Variants in SPEF2 observed in about 807,000 individuals in gnomAD.
SPEF2 encodes the protein sperm flagella and cilia-associated protein 2.
A neutral mutation model predicts 224.6 loss-of-function variants in SPEF2; 187 were observed. That is an observed-to-expected ratio of 0.83 (90% CI 0.74 to 0.94). The LOEUF (loss-of-function observed/expected upper bound fraction) is 0.94, where lower values mean the gene tolerates loss of function less well. Among genes scored for constraint, SPEF2 ranks in the 40% least tolerant of loss-of-function variants. SPEF2 has a pLI of 0.00. For synonymous variants in SPEF2, 715 were observed against 707.3 expected (o/e 1.01, Z -0.17); for missense variants, 2,170 against 2,135.6 (o/e 1.02, Z -0.32).
intron 33 of SPEF2, among the ~76,000 whole-genome samples, chr5:35,796,367 G>T (rs545485083): frequency 6.6e-6 from 1 of 152,150 alleles, no homozygotes; most frequent in African/African-American, 2.4e-5. Context: ...CAGCACTTTG[G>T]GAGGCCGAGG....
chr5:35,788,799 T>C (rs1359368858), intron 30 of SPEF2: 1 of 702,988 alleles, frequency 1.4e-6, no homozygotes, highest in Non-Finnish European at 2.6e-6. Flanking sequence ...TACAAAGCGG[T>C]GTTCCAGAAC....
intron 33 of SPEF2, among the ~76,000 whole-genome samples, chr5:35,799,172 A>G (rs926338370): frequency 2.0e-5 from 3 of 152,196 alleles, no homozygotes; most frequent in Non-Finnish European, 4.4e-5. Context: ...CAGAATTCAC[A>G]TTTTAAAAAG....
chr5:35,763,371 TA>T, intron 25 of SPEF2, 150 bp from the exon 26 acceptor site: 1 of 755,686 alleles, frequency 1.3e-6, no homozygotes, highest in Non-Finnish European at 2.0e-6. Flanking sequence ...CAGTGTTTTA[TA>T]ATCTTTTCTC....
intron 30 of SPEF2, among the ~76,000 whole-genome samples, chr5:35,784,406 G>T (rs1754805041): frequency 6.6e-6 from 1 of 152,154 alleles, no homozygotes; most frequent in African/African-American, 2.4e-5. Context: ...GGGATTACAG[G>T]CATGAGCCAC....
In SPEF2 at chr5:35,738,590, A is replaced by G. The variant is rs193247529; in HGVS notation, c.3064-1329A>G. Among the ~76,000 whole-genome samples the G allele has an allele frequency of 1.6e-3, 239 of 148,734 alleles. 2 individuals carry two copies. Among genetic ancestry groups the G allele is most frequent in the Non-Finnish European group, 2.3e-3 (151 of 66,782 alleles). Reference sequence around the variant, plus strand: ...TTTGACAAACTTGTTAACAATTTCTATTGAAAGCTTTGCTCTTGTCTGCCG... The same window carrying G: ...TTTGACAAACTTGTTAACAATTTCTGTTGAAAGCTTTGCTCTTGTCTGCCG... On this transcript the variant is annotated intron_variant, in intron 21 of 36. Coordinates refer to ENST00000356031, the MANE Select transcript of SPEF2 (RefSeq NM_024867.4).
rs1580088963 is a variant in SPEF2 at position 35,642,407 on chromosome 5, G to C, written c.414+724G>C. On this transcript the variant is annotated intron_variant, in intron 3 of 36. Transcript: ENST00000356031. ...CCGTGCAGCCCAGTACACACGGGTA[G>C]TCCCAGTTCTTCCTTTGGAACTCTA... 3.3e-5 allele frequency among the ~76,000 whole-genome samples: 5 copies of C among 152,168 alleles called. No individual in the cohort carries two copies. The South Asian group carries it at 1.0e-3, about 32-fold the overall frequency.
intron 3 of SPEF2, chr5:35,643,749 G>T (rs866716400): frequency 2.0e-5 from 6 of 297,140 alleles, no homozygotes; most frequent in Middle Eastern, 7.8e-4. Context: ...CTAGTGATGT[G>T]CCAAGCCCTG....
rs567968809 is a variant in SPEF2 at position 35,633,407 on chromosome 5, T to C, written c.161+4845T>C. 1.5e-4 allele frequency among the ~76,000 whole-genome samples: 23 copies of C among 152,122 alleles called. No individual in the cohort carries two copies. The East Asian group carries it at 3.3e-3, about 22-fold the overall frequency. On this transcript the variant is annotated intron_variant, in intron 2 of 36. Coordinates refer to ENST00000356031, the MANE Select transcript of SPEF2 (RefSeq NM_024867.4). ...AAATATTCTTATTATCAAGTAATAC[T>C]TTTTTTTCTTAAAGTCAATTTTGCC...
intron 19 of SPEF2, 117 bp downstream of exon 19, chr5:35,709,238 A>C: frequency 1.3e-6 from 2 of 1,510,626 alleles, no homozygotes; most frequent in African/African-American, 2.8e-5. Context: ...CATATGAAAC[A>C]AGGCTTTACA....
chr5:35,618,200 T>A (rs754790747), intron 1 of SPEF2, 145 bp downstream of exon 1: 85 of 851,306 alleles, frequency 1.0e-4, no homozygotes, highest in Non-Finnish European at 1.4e-4. Flanking sequence ...CATCCCACAG[T>A]GAGCAACTCG....
intron 26 of SPEF2, among the ~76,000 whole-genome samples, chr5:35,769,342 T>C (rs780774666): frequency 3.3e-5 from 5 of 151,856 alleles, no homozygotes; most frequent in Non-Finnish European, 7.4e-5. Flanking sequence ...GCAAGTACAG[T>C]ATCTGGTATT....
intron 26 of SPEF2, 51 bp from the exon 27 acceptor site, chr5:35,771,558 C>T: frequency 6.4e-7 from 1 of 1,573,124 alleles, no homozygotes; most frequent in Non-Finnish European, 8.6e-7. Context: ...CAAATGGTTG[C>T]CATATTTTGT....
chr5:35,632,967 G>T (rs1288042353), intron 2 of SPEF2: 1 of 152,106 alleles, frequency 6.6e-6, no homozygotes, highest in Non-Finnish European at 1.5e-5. Flanking sequence ...TTGGTGGGAA[G>T]TTTTCTGGTA....
chr5:35,798,316 G>T (rs926157686), intron 33 of SPEF2, among the ~76,000 whole-genome samples: 2 of 152,030 alleles, frequency 1.3e-5, no homozygotes, highest in Admixed American at 6.5e-5. Flanking sequence ...TTCACCTCCT[G>T]CCATGCTCCC....
At position 35,792,366 on chromosome 5, in the gene SPEF2, G is replaced by A. The variant is rs878933538; in HGVS notation, c.4474G>A (p.Asp1492Asn). 1 of 1,613,514 alleles carries A rather than the reference G, an allele frequency of 6.2e-7. No homozygotes were observed. ...CATAATAGGAAATAAAGCATTTACT[G>A]ACATTCTGATCGATTTGGTGACCCT... ...KGIIGNKAFT[D>N]ILIDLVTLNL... Residue 1492 changes from aspartate to asparagine, a missense_variant, in exon 31 of 37, where the codon GAC becomes AAC. Transcript: ENST00000356031.
chr5:35,649,405 G>A lies in SPEF2; in HGVS notation c.771G>A (p.Lys257=), dbSNP rs200159290. Residue 257 remains lysine, a synonymous_variant, in exon 6 of 37, where the codon AAG becomes AAA. Transcript: ENST00000356031. The part of the protein sequence containing the change: ...EIKKFEALIK[K]DLQAKESASK... ...AGAAGTTCGAAGCATTAATAAAAAA[G>A]GATCTCCAAGCAAAAGAAAGGTGAG... 4.6e-5 allele frequency: 74 copies of A among 1,611,684 alleles called. 2 individuals are homozygous for A. The East Asian group carries it at 6.3e-4, about 14-fold the overall frequency.
rs967916324 is a variant in SPEF2, at chr5:35,659,265, G to C, written c.1167+58G>C. On this transcript the variant is annotated intron_variant, in intron 8 of 36. Transcript: ENST00000356031. ...GGTTACTTTTGTTTCTTTCTACCAA[G>C]TCGTGGTAAACAAAGCTATATTTTG... The C allele has an allele frequency of 1.0e-5, 15 of 1,478,832 alleles. No homozygotes were observed. The African/African-American group carries it at 2.0e-4, about 19-fold the overall frequency. The allele number at this position is 1,478,832 out of a possible 1,614,324, so 91.6% of individuals were successfully genotyped here.
intron 2 of SPEF2, among the ~76,000 whole-genome samples, chr5:35,634,201 C>A (rs1283645274): frequency 1.3e-5 from 2 of 152,060 alleles, no homozygotes; most frequent in East Asian, 3.8e-4. Context: ...TCTTATAGGG[C>A]AGCTATGTTA....
At chr5:35,679,206 G>C (rs927453189) in intron 10 of SPEF2, among the ~76,000 whole-genome samples, 1 of 152,148 alleles carries the variant, frequency 6.6e-6, no homozygotes, top group African/African-American at 2.4e-5. Flanking sequence ...TATTCCCTCT[G>C]GTAGGAGACC....
Sources: allele counts gnomAD v4.1 joint callset (sites outside exome capture counted in the v4.1 genomes callset), GRCh38; gene constraint gnomAD v4.1.1; transcripts MANE v1.5; gene names NCBI Gene and HGNC (gene_info 2026-07-23, HGNC 2026-07-21).